DCC: variants seen among roughly 807,000 people sequenced by gnomAD.
DCC encodes netrin receptor DCC.
DCC carries 58 observed loss-of-function variants against 172.5 expected under a neutral mutation model. That is an observed-to-expected ratio of 0.34 (90% CI 0.27 to 0.42). The LOEUF (loss-of-function observed/expected upper bound fraction) is 0.42, where lower values mean the gene tolerates loss of function less well. Ranked by LOEUF, DCC falls within the 10% of genes least tolerant of loss-of-function variation. The probability of loss-of-function intolerance (pLI) is 1.00; values close to 1 mark genes in which losing one functional copy is unlikely to be tolerated. For synonymous variants in DCC, 709 were observed against 644.5 expected (o/e 1.10, Z -1.52); for missense variants, 1,740 against 1,791.0 (o/e 0.97, Z 0.51).
chr18:52,837,835 A>G (rs1318640167), intron 2 of DCC, among the ~76,000 whole-genome samples: 2 of 152,206 alleles, frequency 1.3e-5, no homozygotes, highest in African/African-American at 4.8e-5. Flanking sequence ...GGTAATTTAC[A>G]AAGGAAAGAG....
chr18:53,031,051 G>T (rs1413516817), intron 5 of DCC, among the ~76,000 whole-genome samples: 1 of 152,158 alleles, frequency 6.6e-6, no homozygotes, highest in African/African-American at 2.4e-5. Context: ...GTGAGGTCAA[G>T]AGTTCGAGAC....
intron 1 of DCC, among the ~76,000 whole-genome samples, chr18:52,723,995 C>A (rs1268467431): frequency 6.6e-6 from 1 of 152,160 alleles, no homozygotes; most frequent in Non-Finnish European, 1.5e-5. Context: ...AGCTGAAACT[C>A]TTCAAAGGTA....
intron 25 of DCC, among the ~76,000 whole-genome samples, chr18:53,477,942 G>T (rs188765698): frequency 6.6e-6 from 1 of 152,082 alleles, no homozygotes; most frequent in Non-Finnish European, 1.5e-5. Context: ...TTTGTATAAT[G>T]GCCAAAAATT....
intron 15 of DCC, among the ~76,000 whole-genome samples, chr18:53,371,116 C>T (rs1448120990): frequency 1.4e-5 from 2 of 146,410 alleles, no homozygotes; most frequent in South Asian, 2.1e-4. Context: ...TTTAATACAA[C>T]CAACAGTGAT....
At chr18:52,428,829 C>T (rs1179210813) in intron 1 of DCC, among the ~76,000 whole-genome samples, 1 of 152,048 alleles carries the variant, frequency 6.6e-6, no homozygotes, top group African/African-American at 2.4e-5. Flanking sequence ...TCTCTAACCC[C>T]TGGAAACACT....
intron 2 of DCC, among the ~76,000 whole-genome samples, chr18:52,849,552 A>G (rs2038944017): frequency 1.3e-5 from 2 of 152,212 alleles, no homozygotes; most frequent in African/African-American, 4.8e-5. Context: ...GGAAACAACA[A>G]AACACAAAAA....
intron 2 of DCC, among the ~76,000 whole-genome samples, chr18:52,852,502 C>T (rs1204659967): frequency 6.6e-6 from 1 of 152,034 alleles, no homozygotes; most frequent in Non-Finnish European, 1.5e-5. Context: ...GGATAATTTT[C>T]TAATGTTCTA....
At chr18:52,919,706 G>A (rs566441525) in intron 3 of DCC, among the ~76,000 whole-genome samples, 1 of 151,456 alleles carries the variant, frequency 6.6e-6, no homozygotes, top group African/African-American at 2.4e-5. Flanking sequence ...ATTAAATATT[G>A]GTAAGTAATT....
At chr18:53,041,263 A>C (rs569665362) in intron 5 of DCC, among the ~76,000 whole-genome samples, 1 of 152,124 alleles carries the variant, frequency 6.6e-6, no homozygotes, top group Admixed American at 6.6e-5. Context: ...CCACTTATTA[A>C]ATAGGGGATC....
rs115537122 is a variant in DCC at position 53,202,706 on chromosome 18, A to G, written c.1574-2510A>G. On this transcript the variant is annotated intron_variant, in intron 9 of 28. Coordinates refer to ENST00000442544, the MANE Select transcript of DCC (RefSeq NM_005215.4). ...GGGACCTTCAAATTCTGCTTGGCCA[A>G]GTACTCAGTTCTGGAATCATAAATG... Among the ~76,000 whole-genome samples the G allele has an allele frequency of 3.5e-3, 528 of 152,236 alleles. 5 individuals carry two copies. The highest frequency in any genetic ancestry group is 0.012 in the African/African-American group (489 of 41,544).
intron 7 of DCC, among the ~76,000 whole-genome samples, chr18:53,078,969 C>A (rs970344433): frequency 2.6e-5 from 4 of 152,094 alleles, no homozygotes; most frequent in African/African-American, 9.7e-5. Context: ...AGTTGACCTA[C>A]CTGCTAATCA....
chr18:53,304,059 C>G (rs1009876804), intron 12 of DCC, among the ~76,000 whole-genome samples: 2 of 146,412 alleles, frequency 1.4e-5, no homozygotes, highest in African/African-American at 2.7e-5. Context: ...GATGCTCCTT[C>G]TCTTCTCTTC....
intron 5 of DCC, among the ~76,000 whole-genome samples, chr18:52,929,846 A>T (rs1208621319): frequency 6.6e-6 from 1 of 151,458 alleles, no homozygotes; most frequent in East Asian, 1.9e-4. Flanking sequence ...ACACACACAC[A>T]CACACACACA....
intron 1 of DCC, among the ~76,000 whole-genome samples, chr18:52,571,505 T>C (rs1053229803): frequency 3.9e-4 from 59 of 152,160 alleles, no homozygotes; most frequent in Admixed American, 2.8e-3. Flanking sequence ...CTAGTCTTAC[T>C]CCTGAAAATG....
intron 14 of DCC, among the ~76,000 whole-genome samples, chr18:53,324,382 T>C (rs952034420): frequency 6.6e-6 from 1 of 152,180 alleles, no homozygotes; most frequent in Admixed American, 6.5e-5. Context: ...GTACTAGAGA[T>C]AAAACAATAA....
At chr18:52,765,909 C>T (rs554652521) in intron 2 of DCC, among the ~76,000 whole-genome samples, 2 of 152,322 alleles carry the variant, frequency 1.3e-5, no homozygotes, top group South Asian at 4.1e-4. Flanking sequence ...TGTCTATCTT[C>T]TATGCTTATT....
intron 15 of DCC, 36 bp downstream of exon 15, chr18:53,339,943 G>GA (rs1451016147): frequency 1.3e-6 from 2 of 1,554,962 alleles, no homozygotes; most frequent in East Asian, 4.5e-5. Context: ...CTATTAAGGG[G>GA]AATTAATGAT....
At chr18:52,390,073 T>C (rs552701445) in intron 1 of DCC, among the ~76,000 whole-genome samples, 1 of 151,852 alleles carries the variant, frequency 6.6e-6, no homozygotes, top group Non-Finnish European at 1.5e-5. Context: ...GTTTCTTCCC[T>C]AAGGTTTCTA....
intron 9 of DCC, among the ~76,000 whole-genome samples, chr18:53,198,694 T>C (rs2055488215): frequency 6.6e-6 from 1 of 152,208 alleles, no homozygotes; most frequent in Non-Finnish European, 1.5e-5. Flanking sequence ...CCAACATAAG[T>C]ACTTAATTTG....
Sources: allele counts gnomAD v4.1 joint callset (sites outside exome capture counted in the v4.1 genomes callset), GRCh38; gene constraint gnomAD v4.1.1; transcripts MANE v1.5; gene names NCBI Gene and HGNC (gene_info 2026-07-23, HGNC 2026-07-21).